The following ASTN2 variants were observed in gnomAD, a reference collection of about 807,000 sequenced individuals.
ASTN2 encodes astrotactin 2.
Under a neutral mutation model 139.8 loss-of-function variants are expected in ASTN2, and 54 were observed. The observed-to-expected ratio is 0.39, with a 90% CI of 0.31 to 0.48. The LOEUF (loss-of-function observed/expected upper bound fraction) is 0.48. Ranked by LOEUF, ASTN2 falls within the 20% of genes least tolerant of loss-of-function variation. ASTN2 has a pLI of 0.95. For missense variants in ASTN2, 1,565 were observed against 1,725.1 expected (o/e 0.91, Z 1.64); for synonymous variants, 756 against 719.5 (o/e 1.05, Z -0.81).
At chr9:117,031,970 T>G (rs1286122417) in intron 6 of ASTN2, among the ~76,000 whole-genome samples, 1 of 152,214 alleles carries the variant, frequency 6.6e-6, no homozygotes, top group Admixed American at 6.5e-5. Flanking sequence ...TTGTAAAAGA[T>G]GGCTCTGTTT....
rs564402388 is a variant in ASTN2 at position 116,851,310 on chromosome 9, G to T, written c.2040+12273C>A. On this transcript the variant is annotated intron_variant, in intron 11 of 22. Coordinates refer to ENST00000313400, the MANE Select transcript of ASTN2 (RefSeq NM_001365068.1). ...GACAGGGTTACAATTGGAAATGGAGGCATGGTGGGTGTGTTGGGGGAGGGC... is the reference window on the plus strand; with the variant it reads ...GACAGGGTTACAATTGGAAATGGAGTCATGGTGGGTGTGTTGGGGGAGGGC... Among the ~76,000 whole-genome samples, 3 of 152,308 alleles carry T rather than the reference G, an allele frequency of 2.0e-5. No homozygotes were observed. The East Asian group carries it at 5.8e-4, about 29-fold the overall frequency.
chr9:117,316,735 T>G (rs1353743435), intron 1 of ASTN2, among the ~76,000 whole-genome samples: 10 of 152,184 alleles, frequency 6.6e-5, no homozygotes, highest in Admixed American at 6.5e-4. Context: ...CAGGTTTCCA[T>G]ATGGGCCTCA....
At chr9:117,269,191 A>C (rs1834004818) in intron 2 of ASTN2, among the ~76,000 whole-genome samples, 1 of 152,164 alleles carries the variant, frequency 6.6e-6, no homozygotes. Flanking sequence ...AGGTGCTTAC[A>C]TTTCAGCAAA....
rs192159903 is a variant in ASTN2 at position 117,128,751 on chromosome 9, A to G, written c.1168+12575T>C. On this transcript the variant is annotated intron_variant, in intron 4 of 22. Transcript: ENST00000313400. Reference sequence around the variant, plus strand: ...AGACATACCTGAGACTGGGCAATTTACAAAAGAAAGAGGTTTAATTGAACT... The same window carrying G: ...AGACATACCTGAGACTGGGCAATTTGCAAAAGAAAGAGGTTTAATTGAACT... Among the ~76,000 whole-genome samples the G allele has an allele frequency of 2.0e-5, 3 of 152,352 alleles. No individual in the cohort carries two copies. The East Asian group carries it at 5.8e-4, about 29-fold the overall frequency.
At chr9:116,818,216 A>T (rs1343867498) in intron 12 of ASTN2, among the ~76,000 whole-genome samples, 2 of 152,224 alleles carry the variant, frequency 1.3e-5, no homozygotes, top group East Asian at 3.8e-4. Context: ...TTGCAAACAG[A>T]TTTATTAAAC....
intron 14 of ASTN2, 79 bp from the exon 15 acceptor site, chr9:116,729,175 G>T (rs1828712255): frequency 3.5e-6 from 4 of 1,140,424 alleles, no homozygotes; most frequent in Non-Finnish European, 5.0e-6. Flanking sequence ...GCAGCTCTTG[G>T]CTCTGGGAAA....
intron 11 of ASTN2, among the ~76,000 whole-genome samples, chr9:116,863,001 T>C (rs1028960634): frequency 1.3e-5 from 2 of 152,150 alleles, no homozygotes; most frequent in East Asian, 1.9e-4. Context: ...TTGTGTGACC[T>C]TGTCCCACGC....
chr9:116,661,387 A>G (rs998650636), intron 16 of ASTN2, among the ~76,000 whole-genome samples: 4 of 152,188 alleles, frequency 2.6e-5, no homozygotes, highest in African/African-American at 9.6e-5. Flanking sequence ...CTATGATACA[A>G]GGAAGCTTAG....
intron 2 of ASTN2, among the ~76,000 whole-genome samples, chr9:117,231,523 C>G (rs1411303082): frequency 6.6e-6 from 1 of 152,002 alleles, no homozygotes; most frequent in Non-Finnish European, 1.5e-5. Flanking sequence ...AAAAATAAAA[C>G]AAAATAATCG....
At chr9:117,079,490 T>C (rs1277400923) in intron 5 of ASTN2, among the ~76,000 whole-genome samples, 1 of 152,194 alleles carries the variant, frequency 6.6e-6, no homozygotes, top group Non-Finnish European at 1.5e-5. Flanking sequence ...GTGTTTACCA[T>C]GCAGATAGGG....
chr9:116,876,511 T>A (rs2132361148), intron 10 of ASTN2, among the ~76,000 whole-genome samples: 1 of 152,306 alleles, frequency 6.6e-6, no homozygotes, highest in Non-Finnish European at 1.5e-5. Flanking sequence ...GTTCTGTGGG[T>A]AAAATGCTAT....
intron 10 of ASTN2, among the ~76,000 whole-genome samples, chr9:116,920,483 G>A (rs1043736584): frequency 6.6e-6 from 1 of 152,180 alleles, no homozygotes; most frequent in Non-Finnish European, 1.5e-5. Flanking sequence ...TCCTGGGTCA[G>A]GATCCCACCT....
chr9:117,360,887 C>T (rs1288460789), intron 1 of ASTN2, among the ~76,000 whole-genome samples: 1 of 152,206 alleles, frequency 6.6e-6, no homozygotes, highest in Non-Finnish European at 1.5e-5. Context: ...TGGATCCCTT[C>T]TTTGCTTCTA....
intron 1 of ASTN2, among the ~76,000 whole-genome samples, chr9:117,335,063 T>A (rs1162713102): frequency 6.6e-6 from 1 of 152,010 alleles, no homozygotes; most frequent in Admixed American, 6.6e-5. Context: ...TCAATAAACA[T>A]AAAACAAAAT....
At chr9:117,269,396 C>T (rs1177682067) in intron 2 of ASTN2, among the ~76,000 whole-genome samples, 1 of 152,200 alleles carries the variant, frequency 6.6e-6, no homozygotes, top group Non-Finnish European at 1.5e-5. Context: ...TATTTAATTA[C>T]ACTTAATGCC....
chr9:116,449,482 T>C (rs1848109938), intron 20 of ASTN2, among the ~76,000 whole-genome samples: 1 of 152,212 alleles, frequency 6.6e-6, no homozygotes, highest in Admixed American at 6.5e-5. Flanking sequence ...GGAATAAAGT[T>C]TATGAAACGA....
In ASTN2 at chr9:116,904,387, ACACT is replaced by A. The variant is rs1479452098; in HGVS notation, c.1890-40658_1890-40655del. 3.3e-5 allele frequency among the ~76,000 whole-genome samples: 5 copies of A among 152,150 alleles called. No homozygotes were observed. In the East Asian group the frequency reaches 9.7e-4, roughly 29 times the overall value. On this transcript the variant is annotated intron_variant, in intron 10 of 22. Transcript: ENST00000313400. ...AGGTGGCAGGTGGGACCGCAGAATG[ACACT>A]CACAGTCTGGTCAGGCTGTTCATAT...
At chr9:116,945,998 G>A (rs1311531385) in intron 10 of ASTN2, among the ~76,000 whole-genome samples, 3 of 152,230 alleles carry the variant, frequency 2.0e-5, no homozygotes, top group African/African-American at 7.2e-5. Flanking sequence ...TCCTTCGCAT[G>A]GTGGTAGGAG....
intron 1 of ASTN2, among the ~76,000 whole-genome samples, chr9:117,297,061 T>C (rs1010627279): frequency 2.0e-5 from 3 of 152,242 alleles, no homozygotes; most frequent in African/African-American, 7.2e-5. Flanking sequence ...ATTGTATTTT[T>C]ATTTAATTCC....
Sources: gnomAD v4.1 joint callset for allele counts (sites outside exome capture counted in the v4.1 genomes callset) on GRCh38, gnomAD v4.1.1 for gene constraint, MANE v1.5 for transcripts, NCBI Gene and HGNC (gene_info 2026-07-23, HGNC 2026-07-21) for gene names.